Variants in ADGRG4 observed in about 807,000 individuals in gnomAD.
ADGRG4 encodes the protein adhesion G protein-coupled receptor G4.
ADGRG4 carries 122 observed loss-of-function variants against 126.2 expected under a neutral mutation model. The ratio of observed to expected loss-of-function variants is 0.97; its 90% confidence interval spans 0.83 to 1.12. ADGRG4 has a LOEUF of 1.12. ADGRG4 is among the 50% of genes most tolerant of loss of function. The pLI is 0.00. For synonymous variants in ADGRG4, 943 were observed against 838.7 expected, an observed-to-expected ratio of 1.12 and a Z score of -2.15; for missense variants, 2,481 against 2,251.8, an observed-to-expected ratio of 1.10 and a Z score of -2.06.
Position 136,347,020 on chromosome X carries a change from C to G in ADGRG4, c.3314C>G (p.Ser1105Cys). 8.3e-7 allele frequency: 1 copy of G among 1,210,903 alleles called. No homozygotes were observed. The highest frequency in any genetic ancestry group is 1.8e-5 in the South Asian group (1 of 56,961). The change falls in exon 6 of 26, where the codon TCT becomes TGT. Residue 1105 changes from serine (S) to cysteine (C), a missense_variant. By Grantham distance (112) the Ser-to-Cys change is moderately radical. Transcript: ENST00000394143. ...SVRKTSMAVPSLTETPFHSLR... is the reference protein window; with the variant it reads ...SVRKTSMAVPCLTETPFHSLR... The stretch of plus-strand genomic sequence containing the variant: ...AGGAAGACATCCATGGCAGTTCCTT[C>G]TCTGACAGAAACACCATTTCATTCA...
intron 5 of ADGRG4, among the ~76,000 whole-genome samples, chrX:136,341,044 A>G (rs745501415): frequency 4.1e-4 from 46 of 111,990 alleles, no homozygotes; most frequent in African/African-American, 1.4e-3. Context: ...CTGGTACTTA[A>G]AATGCCACCT....
At chrX:136,340,656 A>G (rs185624355) in intron 5 of ADGRG4, among the ~76,000 whole-genome samples, 118 of 111,179 alleles carry the variant, frequency 1.1e-3, no homozygotes, top group African/African-American at 3.6e-3. Flanking sequence ...GTGTTTCCAT[A>G]TAAATTGAGG....
chrX:136,380,601 CTCCTCTTCT>C (rs1380799583), intron 15 of ADGRG4, among the ~76,000 whole-genome samples: 85 of 60,152 alleles, frequency 1.4e-3, no homozygotes, highest in East Asian at 3.5e-3. Context: ...CCTCCTCCTC[CTCCTCTTCT>C]TCTTCTTCTT....
chrX:136,335,375 A>G (rs901863023), intron 5 of ADGRG4, among the ~76,000 whole-genome samples: 22 of 107,606 alleles, frequency 2.0e-4, no homozygotes, highest in African/African-American at 6.8e-4. Flanking sequence ...TGATTTCAGT[A>G]TCAGGATGAC....
At chrX:136,302,508 G>A (rs1008564846) in intron 1 of ADGRG4, among the ~76,000 whole-genome samples, 1 of 111,945 alleles carries the variant, frequency 8.9e-6, no homozygotes, top group East Asian at 2.8e-4. Flanking sequence ...AACGCCTAGA[G>A]CCTTTTCTAC....
At chrX:136,375,275 A>G (rs1461068767) in intron 15 of ADGRG4, among the ~76,000 whole-genome samples, 1 of 111,512 alleles carries the variant, frequency 9.0e-6, no homozygotes, top group African/African-American at 3.3e-5. Flanking sequence ...TTCTTTATCT[A>G]CTTGTTTGGT....
chrX:136,371,232 C>A, intron 13 of ADGRG4, 96 bp from the exon 14 acceptor site: 1 of 526,320 alleles, frequency 1.9e-6, no homozygotes, highest in Non-Finnish European at 3.0e-6. Context: ...TAGGTGTTCT[C>A]ATCTCACCCT....
In ADGRG4 at chrX:136,405,847, A is replaced by G. The variant is rs750582214; in HGVS notation, c.8810A>G (p.His2937Arg). Residue 2937 changes from histidine to arginine, a missense_variant, in exon 23 of 26, where the codon CAT becomes CGT. By Grantham distance (29) the His-to-Arg change is conservative. Transcript: ENST00000394143. ...AAGACTCGGCGGAAGATGATCCTGC[A>G]TGACCTCAAAGGCACAATGAGCCTG... is the stretch of plus-strand genomic sequence containing the variant. ...IQKTRRKMILHDLKGTMSLTF... is the reference protein window; with the variant it reads ...IQKTRRKMILRDLKGTMSLTF... 7 of 1,208,327 alleles carry G rather than the reference A, an allele frequency of 5.8e-6. No individual in the cohort carries two copies. The South Asian group carries it at 8.9e-5, about 15-fold the overall frequency.
chrX:136,344,922 A>G lies in ADGRG4; in HGVS notation c.1216A>G (p.Thr406Ala). Residue 406 changes from threonine to alanine, a missense_variant, in exon 6 of 26, where the codon ACT becomes GCT. By Grantham distance (58) the Thr-to-Ala change is moderately conservative (BLOSUM62 0). Transcript: ENST00000394143. ...AVTKTTSLFSTIESTSMSTTP... is the reference protein window; with the variant it reads ...AVTKTTSLFSAIESTSMSTTP... ...TACGAAGACAACATCTTTATTTTCA[A>G]CTATTGAGTCAACATCTATGTCTAC... is the stretch of plus-strand genomic sequence containing the variant. 1.7e-6 allele frequency: 2 copies of G among 1,209,952 alleles called. No homozygotes were observed. The highest frequency in any genetic ancestry group is 2.2e-6 in the Non-Finnish European group (2 of 893,788).
chrX:136,405,810 T>A lies in ADGRG4; in HGVS notation c.8773T>A (p.Ser2925Thr). Residue 2925 changes from serine (S) to threonine (T), a missense_variant, in exon 23 of 26, where the codon TCC becomes ACC. Ser to Thr is a moderately conservative substitution (Grantham distance 58, BLOSUM62 1). Transcript: ENST00000394143. Reference sequence around the variant, plus strand: ...TCTTGTTCAACTGAATTCTGTGAAATCCCAAATCCAGAAGACTCGGCGGAA... The same window carrying A: ...TCTTGTTCAACTGAATTCTGTGAAAACCCAAATCCAGAAGACTCGGCGGAA... The part of the protein sequence containing the change: ...TVLVQLNSVK[S>T]QIQKTRRKMI... 6 of 1,210,791 alleles carry A rather than the reference T, an allele frequency of 5.0e-6. No individual in the cohort carries two copies. The highest frequency in any genetic ancestry group is 6.7e-6 in the Non-Finnish European group (6 of 894,934).
rs2074998759 is a variant in ADGRG4, at chrX:136,344,513, A to G, written c.807A>G (p.Leu269=). 8.3e-7 allele frequency: 1 copy of G among 1,207,151 alleles called. No homozygotes were observed. The highest frequency in any genetic ancestry group is 3.0e-5 in the East Asian group (1 of 33,818). ...AAAATACTGCACATTCCTCTACACT[A>G]TTGTCTCAAAGCATACCTATATTTG... ...KPQNTAHSST[L]LSQSIPIFAT... Residue 269 remains leucine (L), a synonymous_variant, in exon 6 of 26, where the codon CTA becomes CTG. Coordinates refer to ENST00000394143, the MANE Select transcript of ADGRG4 (RefSeq NM_153834.4).
Position 136,373,094 on chromosome X carries a change from A to G in ADGRG4, c.7776+30A>G, listed in dbSNP as rs781139270. 8.6e-6 allele frequency: 10 copies of G among 1,156,912 alleles called. No individual in the cohort carries two copies. The African/African-American group carries it at 1.4e-4, about 17-fold the overall frequency. On this transcript the variant is annotated intron_variant, in intron 15 of 25. Transcript: ENST00000394143. ...GTGCAGCTCAGGGAACTGAGAGCCA[A>G]TCAGCCAAGCACTGTTTCAGGTCTT...
In ADGRG4 at chrX:136,355,977, G is replaced by A. The variant is rs932211807; in HGVS notation, c.6888-149G>A. On this transcript the variant is annotated intron_variant, in intron 8 of 25. Coordinates refer to ENST00000394143, the MANE Select transcript of ADGRG4 (RefSeq NM_153834.4). ...CATATAATAAGCAAGCCCATTGGAA[G>A]CATTCCTCTGGAGCCCTAGCATTAT... 47 of 342,366 alleles carry A rather than the reference G, an allele frequency of 1.4e-4. No individual in the cohort carries two copies. The Admixed American group carries it at 2.3e-3, about 16-fold the overall frequency. The allele number at this position is 342,366 out of a possible 1,213,427, so 28.2% of individuals were successfully genotyped here.
At chrX:136,336,100 AT>A (rs1373822402) in intron 5 of ADGRG4, among the ~76,000 whole-genome samples, 1 of 111,403 alleles carries the variant, frequency 9.0e-6, no homozygotes, top group Admixed American at 9.5e-5. Flanking sequence ...AATGTTTTAA[AT>A]TTTTTTTGTT....
At position 136,361,506 on chromosome X, in the gene ADGRG4, A is replaced by T; in HGVS notation, c.7196A>T (p.Tyr2399Phe). Residue 2399 changes from tyrosine (Y) to phenylalanine (F), a missense_variant, in exon 12 of 26, where the codon TAT becomes TTT. Tyr to Phe is a conservative substitution (Grantham distance 22). Coordinates refer to ENST00000394143, the MANE Select transcript of ADGRG4 (RefSeq NM_153834.4). ...ACAGCCTCTAAATACAAAGGGACCT[A>T]TAAGTGGCTATTAACCAACCCTACG... is the stretch of plus-strand genomic sequence containing the variant. ...DETASKYKGT[Y>F]KWLLTNPTET... is the part of the protein sequence containing the mutation. 13 of 1,187,816 alleles carry T rather than the reference A, an allele frequency of 1.1e-5. No homozygotes were observed. The highest frequency in any genetic ancestry group is 1.5e-5 in the Non-Finnish European group (13 of 878,235).
chrX:136,374,507 G>A (rs190470018), intron 15 of ADGRG4, among the ~76,000 whole-genome samples: 104 of 110,785 alleles, frequency 9.4e-4, no homozygotes, highest in African/African-American at 3.1e-3. Context: ...TCTCCCCACC[G>A]CAACCTCTGC....
intron 4 of ADGRG4, among the ~76,000 whole-genome samples, chrX:136,315,194 C>A (rs143460956): frequency 3.6e-5 from 4 of 110,140 alleles, no homozygotes; most frequent in African/African-American, 1.3e-4. Context: ...GATAGTGACT[C>A]TGATTCTCTG....
intron 5 of ADGRG4, among the ~76,000 whole-genome samples, chrX:136,330,487 G>C (rs5974592): frequency 0.067 from 7,279 of 108,347 alleles, 593 homozygotes; most frequent in African/African-American, 0.22. Context: ...GTATTCCATG[G>C]TATGGATATG....
chrX:136,373,868 G>A lies in ADGRG4; in HGVS notation c.7776+804G>A, dbSNP rs754791459. Among the ~76,000 whole-genome samples, 8 of 111,459 alleles carry A rather than the reference G, an allele frequency of 7.2e-5. No individual in the cohort carries two copies. In the South Asian group the frequency reaches 3.1e-3, roughly 43 times the overall value. ...GTGGTCCAGCTACATGAGAGGCTTA[G>A]GCGGGAGGATTGCTTGAGACCAGAA... is the stretch of plus-strand genomic sequence containing the variant. On this transcript the variant is annotated intron_variant, in intron 15 of 25. Transcript: ENST00000394143.
Sources: allele counts gnomAD v4.1 joint callset (sites outside exome capture counted in the v4.1 genomes callset), GRCh38; gene constraint gnomAD v4.1.1; transcripts MANE v1.5; gene names NCBI Gene and HGNC (gene_info 2026-07-23, HGNC 2026-07-21).